The following SVOP variants were observed in gnomAD, a reference collection of about 807,000 sequenced individuals.
SVOP encodes synaptic vesicle 2-related protein.
Under a neutral mutation model 69.1 loss-of-function variants are expected in SVOP, and 17 were observed. The ratio of observed to expected loss-of-function variants is 0.25; its 90% confidence interval spans 0.17 to 0.37. SVOP has a LOEUF of 0.37. Ranked by LOEUF, SVOP falls within the 10% of genes least tolerant of loss-of-function variation. The pLI is 1.00. For synonymous variants in SVOP, 238 were observed against 238.6 expected (o/e 1.00, Z 0.02); for missense variants, 435 against 597.5 (o/e 0.73, Z 2.84).
intron 6 of SVOP, among the ~76,000 whole-genome samples, chr12:108,952,312 G>C (rs576026563): frequency 8.0e-6 from 1 of 125,734 alleles, no homozygotes; most frequent in Non-Finnish European, 1.6e-5. Flanking sequence ...TTGGCTCACC[G>C]CAACCTCTAA....
chr12:108,961,226 G>A (rs2137422764), intron 5 of SVOP, among the ~76,000 whole-genome samples, 179 bp from the exon 6 acceptor site: 1 of 152,226 alleles, frequency 6.6e-6, no homozygotes, highest in South Asian at 2.1e-4. Flanking sequence ...AGAAAATCAT[G>A]GGGCATTCTT....
chr12:108,915,061 T>C, intron 15 of SVOP, among the ~76,000 whole-genome samples: 1 of 150,250 alleles, frequency 6.7e-6, no homozygotes, highest in East Asian at 2.0e-4. Context: ...TAATCCCAGC[T>C]ACTCGGGAGG....
chr12:109,020,161 C>G lies in SVOP; in HGVS notation c.35+673G>C, dbSNP rs113392347. ...TGATATTTCCCCCAGATTCTCAGAG[C>G]AAATTTGGTTTTTCTTAAAAATCGC... On this transcript the variant is annotated intron_variant, in intron 1 of 15. Coordinates refer to ENST00000610966, the MANE Select transcript of SVOP (RefSeq NM_018711.5). Among the ~76,000 whole-genome samples, 643 of 152,256 alleles carry G rather than the reference C, an allele frequency of 4.2e-3. 1 individual carries two copies. Among genetic ancestry groups the G allele is most frequent in the African/African-American group, 0.015 (615 of 41,546 alleles).
chr12:109,020,886 A>T lies in SVOP; in HGVS notation c.-18T>A. The T allele has an allele frequency of 1.4e-6, 1 of 717,390 alleles. No individual in the cohort carries two copies. The highest frequency in any genetic ancestry group is 2.6e-6 in the Non-Finnish European group (1 of 384,710). 44.4% of individuals were successfully genotyped at this position (717,390 alleles called of 1,614,324 possible). On this transcript the variant is annotated 5_prime_UTR_variant, in exon 1 of 16. Coordinates refer to ENST00000610966, the MANE Select transcript of SVOP (RefSeq NM_018711.5). ...TCCTCCATGTCCGCGCTGCGCCAGG[A>T]TGAGCCCTTCTCATGGCCCTTACAT...
At chr12:108,925,896 C>T (rs1438663382) in intron 11 of SVOP, among the ~76,000 whole-genome samples, 4 of 151,920 alleles carry the variant, frequency 2.6e-5, no homozygotes. Flanking sequence ...TAACCACTGC[C>T]CCTTTATCTG....
intron 2 of SVOP, among the ~76,000 whole-genome samples, chr12:108,978,919 A>G (rs2040121042): frequency 6.6e-6 from 1 of 152,262 alleles, no homozygotes; most frequent in Admixed American, 6.5e-5. Flanking sequence ...TATTATACAT[A>G]TATAAATTAT....
chr12:108,933,410 G>A (rs935787739), intron 11 of SVOP, among the ~76,000 whole-genome samples: 1 of 151,808 alleles, frequency 6.6e-6, no homozygotes, highest in Admixed American at 6.6e-5. Flanking sequence ...AGGCACAGTG[G>A]CTCACACCTG....
intron 6 of SVOP, among the ~76,000 whole-genome samples, chr12:108,950,750 C>T (rs1314622428): frequency 6.6e-6 from 1 of 152,144 alleles, no homozygotes; most frequent in Non-Finnish European, 1.5e-5. Flanking sequence ...ATTTAACTGC[C>T]CCCTAATTAT....
chr12:108,998,617 C>A (rs546757064), intron 1 of SVOP, among the ~76,000 whole-genome samples: 3 of 152,206 alleles, frequency 2.0e-5, no homozygotes, highest in Non-Finnish European at 4.4e-5. Context: ...GATCTCTCGG[C>A]AGAAACCCTA....
At chr12:108,980,035 G>A (rs2040127523) in intron 2 of SVOP, among the ~76,000 whole-genome samples, 1 of 152,134 alleles carries the variant, frequency 6.6e-6, no homozygotes, top group Admixed American at 6.5e-5. Context: ...AAGTAGCTGT[G>A]AGTTGTGGCT....
chr12:108,910,953 A>C lies in SVOP; in HGVS notation c.*1582T>G, dbSNP rs1247320902. On this transcript the variant is annotated 3_prime_UTR_variant, in exon 16 of 16. Coordinates refer to ENST00000610966, the MANE Select transcript of SVOP (RefSeq NM_018711.5). ...TGGCTTCCTTGCAATGTTTACTTCAAGCAGTAGGTCTGTCTGCTCTGGCCT... is the reference window on the plus strand; with the variant it reads ...TGGCTTCCTTGCAATGTTTACTTCACGCAGTAGGTCTGTCTGCTCTGGCCT... 1 of 152,250 alleles carries C rather than the reference A, an allele frequency of 6.6e-6. No individual in the cohort carries two copies. Among genetic ancestry groups the C allele is most frequent in the Non-Finnish European group, 1.5e-5 (1 of 68,058 alleles). 9.4% of individuals were successfully genotyped at this position (152,250 alleles called of 1,614,324 possible). A position where few individuals can be genotyped will look rare whatever the true frequency, so the allele number is the denominator to read the frequency against.
At chr12:108,932,698 C>G (rs916173335) in intron 11 of SVOP, among the ~76,000 whole-genome samples, 1 of 151,872 alleles carries the variant, frequency 6.6e-6, no homozygotes, top group African/African-American at 2.4e-5. Flanking sequence ...TCTTATACCC[C>G]CTCCCTCTTG....
Position 108,909,777 on chromosome 12 carries a change from A to G in SVOP, c.*2758T>C, listed in dbSNP as rs184168579. ...TTCGTAACTCTAAGAGAAACATGGC[A>G]TTTCCATTAACGAAAATAGGAGCTT... On this transcript the variant is annotated 3_prime_UTR_variant, in exon 16 of 16. Transcript: ENST00000610966. 6.6e-6 allele frequency: 1 copy of G among 152,326 alleles called. No individual in the cohort carries two copies. The highest frequency in any genetic ancestry group is 6.5e-5 in the Admixed American group (1 of 15,296). 9.4% of individuals were successfully genotyped at this position (152,326 alleles called of 1,614,324 possible).
At position 108,934,208 on chromosome 12, in the gene SVOP, T is replaced by C. The variant is rs1223588752; in HGVS notation, c.1035A>G (p.Gly345=). ...CAAGATACTCACTGCCGCAGACATC[T>C]CCTGCCTGGAAGAGTTCTGTGGTGA... ...VLLTTELFQA[G]DVCGISSRKK... Residue 345 remains glycine (G), a synonymous_variant, in exon 11 of 16, where the codon GGA becomes GGG. Transcript: ENST00000610966. 1 of 1,604,456 alleles carries C rather than the reference T, an allele frequency of 6.2e-7. No individual in the cohort carries two copies. Among genetic ancestry groups the C allele is most frequent in the South Asian group, 1.1e-5 (1 of 88,634 alleles).
At position 109,020,900 on chromosome 12, in the gene SVOP, T is replaced by A; in HGVS notation, c.-32A>T. 1.4e-6 allele frequency: 1 copy of A among 717,678 alleles called. No homozygotes were observed. Among genetic ancestry groups the A allele is most frequent in the Non-Finnish European group, 2.6e-6 (1 of 384,728 alleles). The allele number at this position is 717,678 out of a possible 1,614,324, so 44.5% of individuals were successfully genotyped here. ...GCTGCGCCAGGATGAGCCCTTCTCA[T>A]GGCCCTTACATGGTAGTGGTGGATG... On this transcript the variant is annotated 5_prime_UTR_variant, in exon 1 of 16. It removes an upstream start codon present in the reference 5' UTR. Coordinates refer to ENST00000610966, the MANE Select transcript of SVOP (RefSeq NM_018711.5).
intron 9 of SVOP, 136 bp downstream of exon 9, chr12:108,938,691 A>T: frequency 1.4e-6 from 2 of 1,409,634 alleles, no homozygotes; most frequent in Non-Finnish European, 2.0e-6. Flanking sequence ...CATCTGCTCC[A>T]TGTGCACGCA....
chr12:108,979,188 C>A (rs1488514863), intron 2 of SVOP, among the ~76,000 whole-genome samples: 1 of 151,264 alleles, frequency 6.6e-6, no homozygotes, highest in African/African-American at 2.4e-5. Flanking sequence ...AATTAACTTT[C>A]TTCCTTTTAC....
chr12:108,938,048 G>T (rs2039867030), intron 9 of SVOP, among the ~76,000 whole-genome samples: 1 of 152,148 alleles, frequency 6.6e-6, no homozygotes, highest in Admixed American at 6.5e-5. Context: ...ATCCTGCTCT[G>T]CCCCTGTAGA....
At chr12:108,962,775 GC>G (rs1265854172) in intron 5 of SVOP, among the ~76,000 whole-genome samples, 5 of 152,092 alleles carry the variant, frequency 3.3e-5, no homozygotes, top group African/African-American at 1.2e-4. Context: ...GACTAGCCTG[GC>G]CAACATGGTG....
Sources: gnomAD v4.1 joint callset for allele counts (sites outside exome capture counted in the v4.1 genomes callset) on GRCh38, gnomAD v4.1.1 for gene constraint, MANE v1.5 for transcripts, NCBI Gene and HGNC (gene_info 2026-07-23, HGNC 2026-07-21) for gene names.